The following DDC variants were observed in gnomAD, a reference collection of about 807,000 sequenced individuals.
DDC encodes dopa decarboxylase.
Under a neutral mutation model 60.0 loss-of-function variants are expected in DDC, and 43 were observed. The ratio of observed to expected loss-of-function variants is 0.72; its 90% CI spans 0.56 to 0.92. DDC has a LOEUF of 0.92. Among genes scored for constraint, DDC ranks in the 40% least tolerant of loss-of-function variants. The pLI, the probability that DDC is intolerant of heterozygous loss-of-function variation, is 0.00. For missense variants in DDC, 573 were observed against 620.2 expected (o/e 0.92, Z 0.81); for synonymous variants, 232 against 234.6 (o/e 0.99, Z 0.10).
chr7:50,539,227 G>A lies in DDC; in HGVS notation c.315+688C>T, dbSNP rs536264676. Reference sequence around the variant, plus strand: ...CCCTGGCTTTTGAGGAACTCCCCAGGGTGCAGCAGCCCTCGGACACTGGCC... The same window carrying A: ...CCCTGGCTTTTGAGGAACTCCCCAGAGTGCAGCAGCCCTCGGACACTGGCC... On this transcript the variant is annotated intron_variant, in intron 3 of 14. Coordinates refer to ENST00000444124, the MANE Select transcript of DDC (RefSeq NM_001082971.2). 1.4e-4 allele frequency: 22 copies of A among 155,234 alleles called. No homozygotes were observed. The South Asian group carries it at 2.6e-3, about 18-fold the overall frequency. 9.6% of individuals were successfully genotyped at this position (155,234 alleles called of 1,614,324 possible).
intron 12 of DDC, among the ~76,000 whole-genome samples, chr7:50,469,586 C>T (rs928262999): frequency 1.7e-4 from 26 of 152,212 alleles, no homozygotes; most frequent in Admixed American, 1.7e-3. Context: ...GACCTGATAA[C>T]CTGCAATCTT....
At position 50,529,603 on chromosome 7, in the gene DDC, G is replaced by A. The variant is rs11575334; in HGVS notation, c.436-261C>T. 0.44 allele frequency among the ~76,000 whole-genome samples: 67,586 copies of A among 151,954 alleles called. 15,665 individuals are homozygous for A. Among genetic ancestry groups the A allele is most frequent in the Non-Finnish European group, 0.52 (35,657 of 67,958 alleles). ...CTAACATTTCTGACCACTTCCCTGC[G>A]CCAGGTATTGTGAGAGCTTCTCCTC... is the stretch of plus-strand genomic sequence containing the variant. On this transcript the variant is annotated intron_variant, in intron 4 of 14. Transcript: ENST00000444124.
chr7:50,487,161 G>C (rs2042903130), intron 9 of DDC, among the ~76,000 whole-genome samples: 1 of 152,130 alleles, frequency 6.6e-6, no homozygotes, highest in South Asian at 2.1e-4. Flanking sequence ...TTATATGAAA[G>C]AGTTCTAATT....
intron 1 of DDC, among the ~76,000 whole-genome samples, chr7:50,553,668 G>A (rs1236946586): frequency 6.6e-6 from 1 of 151,652 alleles, no homozygotes; most frequent in Non-Finnish European, 1.5e-5. Flanking sequence ...TGTATTTTTA[G>A]TAGAGATGGG....
At chr7:50,493,211 C>A (rs1281128502) in intron 9 of DDC, among the ~76,000 whole-genome samples, 4 of 152,136 alleles carry the variant, frequency 2.6e-5, no homozygotes, top group Non-Finnish European at 5.9e-5. Context: ...TAGAAGGGAG[C>A]CTGGATGTAC....
At chr7:50,476,860 A>T in intron 10 of DDC, among the ~76,000 whole-genome samples, 1 of 152,126 alleles carries the variant, frequency 6.6e-6, no homozygotes, top group East Asian at 1.9e-4. Flanking sequence ...ACAAATTGGA[A>T]ATGTTACACT....
At chr7:50,542,624 G>A (rs1022098783) in intron 2 of DDC, 2 of 152,252 alleles carry the variant, frequency 1.3e-5, no homozygotes, top group Non-Finnish European at 2.9e-5. Flanking sequence ...TGCCCCCATA[G>A]AAGGAAGCAG....
chr7:50,520,160 AC>A (rs1268363751), intron 6 of DDC, among the ~76,000 whole-genome samples: 2 of 152,238 alleles, frequency 1.3e-5, no homozygotes, highest in Non-Finnish European at 2.9e-5. Flanking sequence ...ATGGAAAAGT[AC>A]CATCAATTAA....
At chr7:50,540,312 G>GA (rs2044582252) in intron 2 of DDC, among the ~76,000 whole-genome samples, 1 of 152,094 alleles carries the variant, frequency 6.6e-6, no homozygotes, top group Non-Finnish European at 1.5e-5. Flanking sequence ...AAATAAAGTG[G>GA]AAAATCCTTA....
chr7:50,535,845 G>A (rs2044388494), intron 4 of DDC, among the ~76,000 whole-genome samples: 1 of 152,188 alleles, frequency 6.6e-6, no homozygotes, highest in African/African-American at 2.4e-5. Flanking sequence ...AACTTGACTT[G>A]AGAGATTATC....
intron 1 of DDC, among the ~76,000 whole-genome samples, chr7:50,559,752 C>T (rs10265930): frequency 0.19 from 28,325 of 152,112 alleles, 3,475 homozygotes; most frequent in East Asian, 0.41. Flanking sequence ...TTAAAATACC[C>T]GCATAGTGTG....
chr7:50,463,287 C>CCCG lies in DDC; in HGVS notation c.1384_1386dup (p.Arg462dup). 1 of 1,614,208 alleles carries CCCG rather than the reference C, an allele frequency of 6.2e-7. No homozygotes were observed. Among genetic ancestry groups the CCCG allele is most frequent in the Non-Finnish European group, 8.5e-7 (1 of 1,180,024 alleles). On this transcript the variant is annotated inframe_insertion, in exon 14 of 15. Coordinates refer to ENST00000444124, the MANE Select transcript of DDC (RefSeq NM_001082971.2). Reference sequence around the variant, plus strand: ...GCCAGCTCTTTGATGTGTTCCCAGGCCCGCTGCACATGGGCAGATTCCACC... The same window carrying CCCG: ...GCCAGCTCTTTGATGTGTTCCCAGGCCCGCCGCTGCACATGGGCAGATTCCACC...
chr7:50,541,428 T>C (rs2044626954), intron 2 of DDC: 1 of 152,270 alleles, frequency 6.6e-6, no homozygotes, highest in Non-Finnish European at 1.5e-5. Flanking sequence ...CTGCACACCA[T>C]TCGCGTCGAA....
intron 6 of DDC, among the ~76,000 whole-genome samples, chr7:50,522,097 G>T (rs2043907726): frequency 6.6e-6 from 1 of 151,658 alleles, no homozygotes; most frequent in African/African-American, 2.4e-5. Context: ...AGGATAAAAT[G>T]ATAATATTAG....
chr7:50,460,131 C>A (rs2042232733), intron 14 of DDC, among the ~76,000 whole-genome samples: 1 of 141,492 alleles, frequency 7.1e-6, no homozygotes, highest in African/African-American at 2.8e-5. Flanking sequence ...GCCGCCCCTA[C>A]TGGGAAGTGA....
intron 9 of DDC, among the ~76,000 whole-genome samples, chr7:50,484,739 G>C (rs562468209): frequency 2.0e-5 from 3 of 152,294 alleles, no homozygotes; most frequent in African/African-American, 7.2e-5. Flanking sequence ...CTTTTGGTGA[G>C]GAAAGCCTCT....
intron 6 of DDC, among the ~76,000 whole-genome samples, chr7:50,522,979 G>A (rs1187265302): frequency 6.6e-6 from 1 of 152,102 alleles, no homozygotes; most frequent in Non-Finnish European, 1.5e-5. Flanking sequence ...ACTATCATGA[G>A]AACAGCAAGG....
intron 6 of DDC, among the ~76,000 whole-genome samples, chr7:50,523,312 A>G (rs770900129): frequency 9.2e-5 from 14 of 152,214 alleles, no homozygotes; most frequent in Non-Finnish European, 2.1e-4. Flanking sequence ...GAAAGAAGTA[A>G]TTGATAATCT....
chr7:50,517,838 A>C (rs1420048906), intron 6 of DDC, among the ~76,000 whole-genome samples: 1 of 148,800 alleles, frequency 6.7e-6, no homozygotes, highest in Non-Finnish European at 1.5e-5. Context: ...AAAAAAAAAA[A>C]AAAAAAAACC....
Sources: gnomAD v4.1 joint callset for allele counts (sites outside exome capture counted in the v4.1 genomes callset) on GRCh38, gnomAD v4.1.1 for gene constraint, MANE v1.5 for transcripts, NCBI Gene and HGNC (gene_info 2026-07-23, HGNC 2026-07-21) for gene names.